Variants in MFAP3L observed in about 807,000 individuals in gnomAD.
The protein encoded by MFAP3L is microfibril associated protein 3 like.
In MFAP3L, 5 loss-of-function variants were observed where a neutral mutation model predicts 20.0. The ratio of observed to expected loss-of-function variants is 0.25; its 90% CI spans 0.13 to 0.53. The LOEUF (loss-of-function observed/expected upper bound fraction) is 0.53, where lower values mean the gene tolerates loss of function less well. Among genes scored for constraint, MFAP3L ranks in the 20% least tolerant of loss-of-function variants. MFAP3L has a pLI of 0.96. For synonymous variants in MFAP3L, 219 were observed against 213.0 expected (o/e 1.03, Z -0.25); for missense variants, 409 against 527.5 (o/e 0.78, Z 2.20).
In MFAP3L at chr4:170,012,818, A is replaced by C. The variant is rs548813835; in HGVS notation, c.-133-6808T>G. On this transcript the variant is annotated intron_variant, in intron 1 of 2. Transcript: ENST00000361618. ...TCCAGCTACTTAATGGGTAGAACTAAATATACACCCAGACTTGCTGGATTG... is the reference window on the plus strand; with the variant it reads ...TCCAGCTACTTAATGGGTAGAACTACATATACACCCAGACTTGCTGGATTG... 3.9e-5 allele frequency among the ~76,000 whole-genome samples: 6 copies of C among 152,324 alleles called. No individual in the cohort carries two copies. In the South Asian group the frequency reaches 1.2e-3, roughly 32 times the overall value.
chr4:170,023,939 A>C (rs1740190166), intron 1 of MFAP3L, among the ~76,000 whole-genome samples: 1 of 152,216 alleles, frequency 6.6e-6, no homozygotes, highest in African/African-American at 2.4e-5. Flanking sequence ...ATCTATTTTT[A>C]AAGGGAGTAA....
At chr4:170,024,376 T>C (rs1357759484) in intron 1 of MFAP3L, among the ~76,000 whole-genome samples, 1 of 152,136 alleles carries the variant, frequency 6.6e-6, no homozygotes, top group Non-Finnish European at 1.5e-5. Flanking sequence ...CCTTGCTGCT[T>C]CCTCCAGGTC....
rs899910984 is a variant in MFAP3L at position 169,989,892 on chromosome 4, G to C, written c.*1486C>G. On this transcript the variant is annotated 3_prime_UTR_variant, in exon 3 of 3. Transcript: ENST00000361618. ...TTTGGAAGGAGAAGATCCACAATTTGTTTAAAATGCTATTTCTCAAAACCA... is the reference window on the plus strand; with the variant it reads ...TTTGGAAGGAGAAGATCCACAATTTCTTTAAAATGCTATTTCTCAAAACCA... The C allele has an allele frequency of 6.6e-6, 1 of 152,184 alleles. No homozygotes were observed. The highest frequency in any genetic ancestry group is 1.5e-5 in the Non-Finnish European group (1 of 68,002). 9.4% of individuals were successfully genotyped at this position (152,184 alleles called of 1,614,324 possible).
chr4:169,993,366 C>T (rs913249541), intron 2 of MFAP3L, among the ~76,000 whole-genome samples: 1 of 152,164 alleles, frequency 6.6e-6, no homozygotes, highest in African/African-American at 2.4e-5. Context: ...CATTCTAGTT[C>T]CCCGAGCCGA....
intron 1 of MFAP3L, 95 bp downstream of exon 1, chr4:170,026,139 T>G: frequency 1.5e-5 from 11 of 734,070 alleles, no homozygotes; most frequent in Non-Finnish European, 1.8e-5. Flanking sequence ...ACCCGAAAGT[T>G]CGGCGGCCCC....
In MFAP3L at chr4:170,005,966, G is replaced by A; in HGVS notation, c.-89C>T. The stretch of plus-strand genomic sequence containing the variant: ...ACACACTGTTCACAGCAGGTCATGG[G>A]ACAAACCTGTCCTGGGTCCATAGAG... On this transcript the variant is annotated 5_prime_UTR_variant, in exon 2 of 3. Coordinates refer to ENST00000361618, the MANE Select transcript of MFAP3L (RefSeq NM_021647.8). 6 of 1,502,694 alleles carry A rather than the reference G, an allele frequency of 4.0e-6. No homozygotes were observed. The highest frequency in any genetic ancestry group is 4.4e-6 in the Non-Finnish European group (5 of 1,123,980). 93.1% of individuals were successfully genotyped at this position (1,502,694 alleles called of 1,614,324 possible). A position where few individuals can be genotyped will look rare whatever the true frequency, so the allele number is the denominator to read the frequency against.
At chr4:170,026,195 G>A (rs1730392013) in intron 1 of MFAP3L, 39 bp downstream of exon 1, 3 of 978,950 alleles carry the variant, frequency 3.1e-6, no homozygotes, top group East Asian at 2.3e-4. Flanking sequence ...GCTCCCACCC[G>A]TGCCCCTCCG....
chr4:170,019,202 G>A (rs753842925), intron 1 of MFAP3L, among the ~76,000 whole-genome samples: 1 of 152,170 alleles, frequency 6.6e-6, no homozygotes, highest in Non-Finnish European at 1.5e-5. Context: ...CCTCAGGGTG[G>A]TCATTACTGC....
intron 1 of MFAP3L, among the ~76,000 whole-genome samples, chr4:170,021,271 C>T (rs1740017504): frequency 1.3e-5 from 2 of 152,164 alleles, no homozygotes; most frequent in Admixed American, 1.3e-4. Context: ...CCTTCCCTGC[C>T]CACAGATAGA....
chr4:170,019,679 T>C (rs889323875), intron 1 of MFAP3L, among the ~76,000 whole-genome samples: 3 of 152,166 alleles, frequency 2.0e-5, no homozygotes, highest in Non-Finnish European at 4.4e-5. Context: ...GTCCCAGAAG[T>C]GGACAATTCT....
chr4:169,999,620 T>C (rs1738470021), intron 2 of MFAP3L, among the ~76,000 whole-genome samples: 1 of 152,166 alleles, frequency 6.6e-6, no homozygotes, highest in Non-Finnish European at 1.5e-5. Flanking sequence ...TTAGCTGTCA[T>C]CCATATCTGA....
chr4:170,007,908 A>G (rs1739147869), intron 1 of MFAP3L, among the ~76,000 whole-genome samples: 1 of 152,172 alleles, frequency 6.6e-6, no homozygotes, highest in South Asian at 2.1e-4. Flanking sequence ...GGTGGTAAAT[A>G]TAACTTTTCC....
intron 1 of MFAP3L, among the ~76,000 whole-genome samples, chr4:170,010,454 T>C (rs1285473872): frequency 6.6e-6 from 1 of 152,112 alleles, no homozygotes; most frequent in South Asian, 2.1e-4. Context: ...ACACTGAGTG[T>C]GCCTGCCTCT....
chr4:170,005,918 C>A lies in MFAP3L; in HGVS notation c.-41G>T. 1 of 1,583,816 alleles carries A rather than the reference C, an allele frequency of 6.3e-7. No individual in the cohort carries two copies. The highest frequency in any genetic ancestry group is 8.6e-7 in the Non-Finnish European group (1 of 1,162,566). ...TGTAAGGCAATAGAGAGATGGTTTG[C>A]CAACCGAATCTTCTATCAGACAACA... On this transcript the variant is annotated 5_prime_UTR_variant, in exon 2 of 3. Coordinates refer to ENST00000361618, the MANE Select transcript of MFAP3L (RefSeq NM_021647.8).
intron 1 of MFAP3L, among the ~76,000 whole-genome samples, chr4:170,020,870 C>T (rs564775307): frequency 1.3e-5 from 2 of 152,116 alleles, no homozygotes; most frequent in Admixed American, 1.3e-4. Flanking sequence ...CTCATAACTT[C>T]CTATTTTCGC....
At chr4:170,001,375 G>C (rs921168777) in intron 2 of MFAP3L, among the ~76,000 whole-genome samples, 11 of 152,208 alleles carry the variant, frequency 7.2e-5, no homozygotes, top group Non-Finnish European at 1.2e-4. Context: ...GACAATTGTA[G>C]ACTCAGTGCT....
chr4:170,021,588 C>T (rs1164221554), intron 1 of MFAP3L, among the ~76,000 whole-genome samples: 1 of 152,108 alleles, frequency 6.6e-6, no homozygotes, highest in African/African-American at 2.4e-5. Flanking sequence ...ACCACATTGT[C>T]TGAAAAATTT....
At chr4:170,022,107 A>G (rs1201164462) in intron 1 of MFAP3L, among the ~76,000 whole-genome samples, 1 of 152,008 alleles carries the variant, frequency 6.6e-6, no homozygotes, top group African/African-American at 2.4e-5. Flanking sequence ...GAGCAGAAAC[A>G]AAGTGAAATG....
intron 2 of MFAP3L, among the ~76,000 whole-genome samples, chr4:170,000,026 G>A (rs56147210): frequency 1.5e-3 from 221 of 152,328 alleles, no homozygotes; most frequent in Admixed American, 2.7e-3. Context: ...AATGTCTCCA[G>A]ACTTGGCCAC....
Sources: allele counts gnomAD v4.1 joint callset (sites outside exome capture counted in the v4.1 genomes callset), GRCh38; gene constraint gnomAD v4.1.1; transcripts MANE v1.5; gene names NCBI Gene and HGNC (gene_info 2026-07-23, HGNC 2026-07-21).